LTBP4: variants seen among roughly 807,000 people sequenced by gnomAD.
LTBP4 encodes latent-transforming growth factor beta-binding protein 4.
In LTBP4, 93 loss-of-function variants were observed where a neutral mutation model predicts 180.2. The ratio of observed to expected loss-of-function variants is 0.52; its 90% CI spans 0.44 to 0.61. The LOEUF (loss-of-function observed/expected upper bound fraction) is 0.61, where lower values mean the gene tolerates loss of function less well. LTBP4 is among the 20% of genes least tolerant of loss of function. The pLI is 0.00. For synonymous variants in LTBP4, 947 were observed against 934.5 expected, an observed-to-expected ratio of 1.01 and a Z score of -0.24; for missense variants, 2,116 against 2,256.5, an observed-to-expected ratio of 0.94 and a Z score of 1.26.
chr19:40,613,978 T>C lies in LTBP4; in HGVS notation c.2620T>C (p.Ser874Pro). The C allele has an allele frequency of 2.5e-6, 4 of 1,613,578 alleles. No homozygotes were observed. In the East Asian group the frequency reaches 6.7e-5, roughly 27 times the overall value. ...CGGCATCTGTACCAACACCGACGGC[T>C]CCTTCGAGTGCATCTGTCCTCCGGG... ...QSGICTNTDG[S>P]FECICPPGHR... The change falls in exon 18 of 30, where the codon TCC becomes CCC. Residue 874 changes from serine to proline, a missense_variant. By Grantham distance (74) the Ser-to-Pro change is moderately conservative (BLOSUM62 -1). This residue lies in a region of LTBP4 where 877 missense variants were observed against 873.6 expected (regional missense o/e 1.00). Transcript: ENST00000396819. This position sits in a 1 kb window ranked among gnomAD's most constrained non-coding sequence, Gnocchi z 5.0.
At chr19:40,603,278 G>C (rs117570227) in intron 1 of LTBP4, among the ~76,000 whole-genome samples, 2,475 of 152,310 alleles carry the variant, frequency 0.016, 25 homozygotes, top group Middle Eastern at 0.061. Context: ...GTTCTCGCAA[G>C]AGGACTCCAG....
In LTBP4 at chr19:40,605,680, C is replaced by T. The variant is rs538653962; in HGVS notation, c.690+28C>T. ...GAGAGGAGGCCCGTGGGGAGGGGCCCGGAGCTTGCCTCCGCGCGGGGGCGC... is the reference window on the plus strand; with the variant it reads ...GAGAGGAGGCCCGTGGGGAGGGGCCTGGAGCTTGCCTCCGCGCGGGGGCGC... On this transcript the variant is annotated intron_variant, in intron 3 of 29. Transcript: ENST00000396819. The surrounding 1 kb of genome is among the most constrained non-coding windows in gnomAD (Gnocchi z 5.5). The T allele has an allele frequency of 6.1e-4, 939 of 1,548,756 alleles. 8 individuals carry two copies. The African/African-American group carries it at 0.012, about 19-fold the overall frequency.
At position 40,627,371 on chromosome 19, in the gene LTBP4, G is replaced by T. The variant is rs199953680; in HGVS notation, c.4366+16G>T. On this transcript the variant is annotated intron_variant, in intron 28 of 29. Coordinates refer to ENST00000396819, the MANE Select transcript of LTBP4 (RefSeq NM_001042545.2). ...AGCTATGCTGGTGAGCACTGCCAGCGCATGATGAGACTGAGATGAGGGGTG... is the reference window on the plus strand; with the variant it reads ...AGCTATGCTGGTGAGCACTGCCAGCTCATGATGAGACTGAGATGAGGGGTG... The T allele has an allele frequency of 1.2e-4, 175 of 1,482,732 alleles. 1 individual carries two copies. In the South Asian group the frequency reaches 2.2e-3, roughly 18 times the overall value. The allele number at this position is 1,482,732 out of a possible 1,614,324, so 91.8% of individuals were successfully genotyped here.
intron 27 of LTBP4, 82 bp downstream of exon 27, chr19:40,626,091 ACC>A (rs1456266057): frequency 6.9e-7 from 1 of 1,441,470 alleles, no homozygotes; most frequent in East Asian, 2.6e-5. Flanking sequence ...CAGTCGCAGA[ACC>A]CCCAGACTCT....
chr19:40,598,490 A>G (rs2081403265), upstream of LTBP4: 1 of 152,158 alleles, frequency 6.6e-6, no homozygotes, highest in Non-Finnish European at 1.5e-5. Context: ...CTTGAACCGG[A>G]GCTGGAAGCT....
At position 40,622,528 on chromosome 19, in the gene LTBP4, G is replaced by A. The variant is rs746913374; in HGVS notation, c.3345G>A (p.Glu1115=). The A allele has an allele frequency of 8.7e-6, 14 of 1,613,838 alleles. No individual in the cohort carries two copies. Among genetic ancestry groups the A allele is most frequent in the Middle Eastern group, 1.7e-4 (1 of 6,046 alleles). Residue 1115 remains glutamate (E), a synonymous_variant, in exon 23 of 30, where the codon GAG becomes GAA. Transcript: ENST00000396819. The surrounding 1 kb of genome is among the most constrained non-coding windows in gnomAD (Gnocchi z 5.1). ...GCCCTGTGGGGAGTGGGCGCCGGGA[G>A]TGCTACTTTGACACAGCGGCCCCGG... ...RQGPVGSGRR[E]CYFDTAAPDA... is the part of the protein sequence containing the mutation.
At position 40,620,120 on chromosome 19, in the gene LTBP4, AG is replaced by A. The variant is rs200697703; in HGVS notation, c.3217+631del. 1.2e-4 allele frequency among the ~76,000 whole-genome samples: 19 copies of A among 152,286 alleles called. No individual in the cohort carries two copies. The East Asian group carries it at 3.7e-3, about 29-fold the overall frequency. On this transcript the variant is annotated intron_variant, in intron 22 of 29. Transcript: ENST00000396819. The stretch of plus-strand genomic sequence containing the variant: ...ATGGCATGATTTAGAGAGCAAAGGA[AG>A]GGGTAGGGAGAGATGGGGCCAGGGA...
chr19:40,606,473 C>T lies in LTBP4; in HGVS notation c.938C>T (p.Thr313Met). 1 of 1,582,132 alleles carries T rather than the reference C, an allele frequency of 6.3e-7. No homozygotes were observed. Among genetic ancestry groups the T allele is most frequent in the Non-Finnish European group, 8.6e-7 (1 of 1,165,382 alleles). The part of the protein sequence containing the change: ...GECANTRGGY[T>M]CVCPDGFLLD... ...TGTGCAAACACGCGCGGCGGGTACA[C>T]GTGTGTGTGCCCCGACGGCTTTCTG... is the stretch of plus-strand genomic sequence containing the variant. Residue 313 changes from threonine to methionine, a missense_variant, in exon 6 of 30, where the codon ACG becomes ATG. By Grantham distance (81) the Thr-to-Met change is moderately conservative. Transcript: ENST00000396819.
upstream of LTBP4, chr19:40,599,220 C>T: frequency 1.2e-6 from 2 of 1,612,252 alleles, no homozygotes; most frequent in South Asian, 1.1e-5. Flanking sequence ...CGCTGCTGCC[C>T]GGGCCAGACG....
chr19:40,604,978 C>T, intron 1 of LTBP4, 57 bp from the exon 2 acceptor site: 2 of 1,507,552 alleles, frequency 1.3e-6, no homozygotes, highest in Non-Finnish European at 1.8e-6. Flanking sequence ...GAGTAGGGAC[C>T]CCAGGAGAAC....
At chr19:40,624,226 C>G in intron 26 of LTBP4, 144 bp downstream of exon 26, 1 of 1,075,042 alleles carries the variant, frequency 9.3e-7, no homozygotes, top group Non-Finnish European at 1.3e-6. Flanking sequence ...AGCCCTCACT[C>G]AGTCTCTGTC....
In LTBP4 at chr19:40,605,138, G is replaced by A. The variant is rs755757194; in HGVS notation, c.354G>A (p.Ser118=). 11 of 1,613,212 alleles carry A rather than the reference G, an allele frequency of 6.8e-6. No individual in the cohort carries two copies. The highest frequency in any genetic ancestry group is 3.3e-4 in the Middle Eastern group (2 of 6,062). ...FAGKFCQLHS[S]GARPPAPAVP... is the part of the protein sequence containing the mutation. ...GCAAGTTCTGCCAGTTGCACTCCTC[G>A]GGCGCCCGGCCCCCGGCCCCGGCTG... The change falls in exon 2 of 30, where the codon TCG becomes TCA. Residue 118 remains serine (S), a synonymous_variant. Transcript: ENST00000396819. This position sits in a 1 kb window ranked among gnomAD's most constrained non-coding sequence, Gnocchi z 5.5.
intron 1 of LTBP4, chr19:40,593,241 G>GT: frequency 6.2e-7 from 1 of 1,601,158 alleles, no homozygotes; most frequent in Non-Finnish European, 8.5e-7. Context: ...CCCTAATTTT[G>GT]TTTTTGTTTG....
Position 40,607,754 on chromosome 19 carries a change from G to A in LTBP4, c.1156+225G>A, listed in dbSNP as rs530833695. Among the ~76,000 whole-genome samples the A allele has an allele frequency of 7.9e-5, 12 of 152,248 alleles. No individual in the cohort carries two copies. The East Asian group carries it at 2.1e-3, about 27-fold the overall frequency. The stretch of plus-strand genomic sequence containing the variant: ...CTCCATTCGTAGCCACAGCTACCCC[G>A]GAGCTCCCAAGTTAGTTTTTGTCTC... On this transcript the variant is annotated intron_variant, in intron 7 of 29. Coordinates refer to ENST00000396819, the MANE Select transcript of LTBP4 (RefSeq NM_001042545.2).
chr19:40,627,295 CG>C lies in LTBP4; in HGVS notation c.4309del (p.Asp1437ThrfsTer64). The stretch of plus-strand genomic sequence containing the variant: ...GGGCACCCGCTGGCCCTATCGGTCC[CG>C]GGACACCCGCCGCTCCTTCCCAGAG... The part of the protein sequence containing the change: ...GPGTRWPYRS[R>X]DTRRSFPEPE... On this transcript the variant is annotated frameshift_variant, in exon 28 of 30. Coordinates refer to ENST00000396819, the MANE Select transcript of LTBP4 (RefSeq NM_001042545.2). LOFTEE classifies it high-confidence loss of function. 6.7e-7 allele frequency: 1 copy of C among 1,497,756 alleles called. No individual in the cohort carries two copies. Among genetic ancestry groups the C allele is most frequent in the Non-Finnish European group, 8.9e-7 (1 of 1,124,886 alleles). 92.8% of individuals were successfully genotyped at this position (1,497,756 alleles called of 1,614,324 possible). A position where few individuals can be genotyped will look rare whatever the true frequency, so the allele number is the denominator to read the frequency against.
chr19:40,608,091 C>T (rs1474893132), intron 7 of LTBP4, 129 bp from the exon 8 acceptor site: 1 of 980,974 alleles, frequency 1.0e-6, no homozygotes, highest in Non-Finnish European at 1.5e-6. Context: ...CCACCCCATC[C>T]CAGCCTCCAG....
chr19:40,600,237 G>T (rs1187143833), upstream of LTBP4: 3 of 1,035,044 alleles, frequency 2.9e-6, no homozygotes, highest in Admixed American at 4.3e-5. This position sits in a 1 kb window ranked among gnomAD's most constrained non-coding sequence, Gnocchi z 4.4. Flanking sequence ...AGATAAAGCC[G>T]TCTGGTTCCC....
chr19:40,601,618 G>C lies in LTBP4; in HGVS notation c.231G>C (p.Gly77=), dbSNP rs902755205. Reference sequence around the variant, plus strand: ...GCGCTCCCGGCGGGGCGGCCCCGGGGGGACCCGGCTTCCGCGCCTGTGAGT... The same window carrying C: ...GCGCTCCCGGCGGGGCGGCCCCGGGCGGACCCGGCTTCCGCGCCTGTGAGT... ...DSGAPGGAAP[G]GPGFRAFLCP... Residue 77 remains glycine, a synonymous_variant, in exon 1 of 30, where the codon GGG becomes GGC. Transcript: ENST00000396819. 1.5e-5 allele frequency: 21 copies of C among 1,377,914 alleles called. No individual in the cohort carries two copies. The East Asian group carries it at 6.4e-4, about 42-fold the overall frequency. The allele number at this position is 1,377,914 out of a possible 1,614,324, so 85.4% of individuals were successfully genotyped here. A position where few individuals can be genotyped will look rare whatever the true frequency, so the allele number is the denominator to read the frequency against.
At chr19:40,602,452 G>A (rs2081431155) in intron 1 of LTBP4, among the ~76,000 whole-genome samples, 1 of 152,072 alleles carries the variant, frequency 6.6e-6, no homozygotes, top group South Asian at 2.1e-4. Flanking sequence ...CAGACCCTAT[G>A]GAGTGGGGAG....
Sources: allele counts gnomAD v4.1 joint callset (sites outside exome capture counted in the v4.1 genomes callset), GRCh38; gene constraint gnomAD v4.1.1; regional missense constraint gnomAD v4.1.1; non-coding constraint Gnocchi (gnomAD v3.1); transcripts MANE v1.5; gene names NCBI Gene and HGNC (gene_info 2026-07-23, HGNC 2026-07-21).